The following PTPRT variants were observed in gnomAD, a reference collection of about 807,000 sequenced individuals.
PTPRT encodes the protein protein tyrosine phosphatase receptor type T.
PTPRT carries 56 observed loss-of-function variants against 176.8 expected under a neutral mutation model. The ratio of observed to expected loss-of-function variants is 0.32; its 90% CI spans 0.26 to 0.40. PTPRT has a LOEUF of 0.40. PTPRT is among the 10% of genes least tolerant of loss of function. PTPRT has a pLI of 1.00. For synonymous variants in PTPRT, 783 were observed against 739.0 expected (o/e 1.06, Z -0.96); for missense variants, 1,540 against 1,908.2 (o/e 0.81, Z 3.60).
intron 9 of PTPRT, among the ~76,000 whole-genome samples, chr20:42,385,826 G>A (rs762457134): frequency 6.6e-6 from 1 of 152,054 alleles, no homozygotes; most frequent in Admixed American, 6.6e-5. Flanking sequence ...CCACCCCCAC[G>A]ATTCAATTAT....
rs560380946 is a variant in PTPRT at position 42,076,744 on chromosome 20, G to A, written c.*4135C>T. ...TGAGGAACAGAGCACATTTTTTTTT[G>A]AAATATTCATAGAGTCATATTAAAA... On this transcript the variant is annotated 3_prime_UTR_variant, in exon 31 of 31. Transcript: ENST00000373187. 5.0e-6 allele frequency: 1 copy of A among 200,064 alleles called. No homozygotes were observed. Among genetic ancestry groups the A allele is most frequent in the South Asian group, 1.9e-4 (1 of 5,200 alleles). 12.4% of individuals were successfully genotyped at this position (200,064 alleles called of 1,614,324 possible).
At chr20:42,395,543 A>G (rs1276280126) in intron 9 of PTPRT, among the ~76,000 whole-genome samples, 1 of 152,160 alleles carries the variant, frequency 6.6e-6, no homozygotes, top group Non-Finnish European at 1.5e-5. Flanking sequence ...ATCAGAGAAC[A>G]TCTTCAGGTA....
At position 42,800,387 on chromosome 20, in the gene PTPRT, G is replaced by A. The variant is rs538188216; in HGVS notation, c.215-8921C>T. ...CATGCAGGAAGAGGGGTAAAGAATG[G>A]AAAGAACGAACAAAAATTAAGTCAG... On this transcript the variant is annotated intron_variant, in intron 2 of 30. Coordinates refer to ENST00000373187, the MANE Select transcript of PTPRT (RefSeq NM_007050.6). 9.7e-4 allele frequency among the ~76,000 whole-genome samples: 147 copies of A among 152,232 alleles called. 1 individual carries two copies. Among genetic ancestry groups the A allele is most frequent in the African/African-American group, 3.3e-3 (137 of 41,550 alleles).
chr20:42,350,532 C>T, intron 11 of PTPRT, 96 bp downstream of exon 11: 1 of 1,056,946 alleles, frequency 9.5e-7, no homozygotes, highest in Non-Finnish European at 1.5e-6. Context: ...CCTGGCCAGT[C>T]TTGCCCATGG....
chr20:43,087,598 A>C (rs1361760726), intron 1 of PTPRT, among the ~76,000 whole-genome samples: 2 of 151,916 alleles, frequency 1.3e-5, no homozygotes, highest in Non-Finnish European at 2.9e-5. Flanking sequence ...TCCTGACCTC[A>C]AGTGATCTGC....
intron 7 of PTPRT, among the ~76,000 whole-genome samples, chr20:42,496,630 C>A (rs1408933746): frequency 6.8e-6 from 1 of 147,972 alleles, no homozygotes; most frequent in East Asian, 2.0e-4. Flanking sequence ...AAATCCTTCA[C>A]TTTCACCACC....
intron 7 of PTPRT, among the ~76,000 whole-genome samples, chr20:42,584,387 C>T (rs767957574): frequency 1.3e-4 from 20 of 152,238 alleles, no homozygotes; most frequent in Non-Finnish European, 2.6e-4. Flanking sequence ...CAAACATGGT[C>T]CTCCCACCTC....
chr20:42,033,215 C>G, the PTPRT span, among the ~76,000 whole-genome samples: 1 of 152,110 alleles, frequency 6.6e-6, no homozygotes, highest in Non-Finnish European at 1.5e-5. Flanking sequence ...TATAGGAAGG[C>G]GAAGAGTCTG....
intron 7 of PTPRT, among the ~76,000 whole-genome samples, chr20:42,658,639 C>G (rs1402621520): frequency 1.3e-5 from 2 of 152,152 alleles, no homozygotes; most frequent in Non-Finnish European, 2.9e-5. Context: ...ACCAAGAGTA[C>G]TGATGTTGGT....
At chr20:42,347,539 T>A (rs1470356997) in intron 11 of PTPRT, among the ~76,000 whole-genome samples, 1 of 152,166 alleles carries the variant, frequency 6.6e-6, no homozygotes, top group Non-Finnish European at 1.5e-5. Context: ...GCACACCAGA[T>A]GCACCAGGCA....
chr20:42,610,496 A>G (rs1418074999), intron 7 of PTPRT, among the ~76,000 whole-genome samples: 1 of 151,752 alleles, frequency 6.6e-6, no homozygotes, highest in Non-Finnish European at 1.5e-5. Context: ...CTGGGATTAC[A>G]GGCGTGAGCC....
At chr20:42,899,698 T>C (rs1175999871) in intron 1 of PTPRT, among the ~76,000 whole-genome samples, 1 of 152,140 alleles carries the variant, frequency 6.6e-6, no homozygotes, top group Non-Finnish European at 1.5e-5. Flanking sequence ...TCAAAGAGCC[T>C]AGTACTTTAA....
chr20:42,468,281 G>A (rs1244959944), intron 8 of PTPRT, among the ~76,000 whole-genome samples: 1 of 152,188 alleles, frequency 6.6e-6, no homozygotes, highest in Admixed American at 6.5e-5. Context: ...CCGGAGGGGG[G>A]TTTCAGTTAA....
At chr20:42,256,937 A>G (rs2056652509) in intron 13 of PTPRT, among the ~76,000 whole-genome samples, 1 of 152,202 alleles carries the variant, frequency 6.6e-6, no homozygotes, top group Non-Finnish European at 1.5e-5. Context: ...GCCTGAGCCC[A>G]AGAGAAAGAA....
intron 15 of PTPRT, among the ~76,000 whole-genome samples, chr20:42,217,680 TG>T (rs2146772977): frequency 6.6e-6 from 1 of 152,288 alleles, no homozygotes; most frequent in Non-Finnish European, 1.5e-5. Context: ...CCTAGTGCAC[TG>T]CGGGATGCTT....
Position 42,862,027 on chromosome 20 carries a change from A to C in PTPRT, c.214+23780T>G, listed in dbSNP as rs1351597592. 1.1e-4 allele frequency among the ~76,000 whole-genome samples: 16 copies of C among 152,292 alleles called. No homozygotes were observed. In the East Asian group the frequency reaches 3.1e-3, roughly 29 times the overall value. On this transcript the variant is annotated intron_variant, in intron 2 of 30. Transcript: ENST00000373187. ...AATTTTCTACCTGCCATATTGCAAA[A>C]GGTTATACACACGCACACACACACA...
chr20:42,363,268 A>G (rs2058456990), intron 9 of PTPRT, among the ~76,000 whole-genome samples: 1 of 61,518 alleles, frequency 1.6e-5, no homozygotes, highest in Admixed American at 2.0e-4. Context: ...AATTTATTAC[A>G]ATTATATATA....
At chr20:42,199,212 C>T (rs1600665703) in intron 16 of PTPRT, 28 bp downstream of exon 16, 1 of 1,611,350 alleles carries the variant, frequency 6.2e-7, no homozygotes, top group East Asian at 2.2e-5. Context: ...CCACGGATGT[C>T]CCCTTCCCCT....
chr20:42,614,222 G>C (rs2074024208), intron 7 of PTPRT, among the ~76,000 whole-genome samples: 1 of 152,072 alleles, frequency 6.6e-6, no homozygotes, highest in African/African-American at 2.4e-5. Flanking sequence ...CCAAGTGCAT[G>C]GCTCTGTCTA....
Sources: allele counts gnomAD v4.1 joint callset (sites outside exome capture counted in the v4.1 genomes callset), GRCh38; gene constraint gnomAD v4.1.1; transcripts MANE v1.5; gene names NCBI Gene and HGNC (gene_info 2026-07-23, HGNC 2026-07-21).